Variants in ZNF404 observed in about 807,000 individuals in gnomAD.
The protein encoded by ZNF404 is zinc finger protein 404.
In ZNF404, 7 loss-of-function variants were observed where a neutral mutation model predicts 7.3. The ratio of observed to expected loss-of-function variants is 0.95; its 90% CI spans 0.54 to 1.79. The LOEUF (loss-of-function observed/expected upper bound fraction) is 1.79, where lower values mean the gene tolerates loss of function less well. ZNF404 is among the 40% of genes most tolerant of loss of function. The pLI is 0.00. For synonymous variants in ZNF404, 191 were observed against 209.9 expected (o/e 0.91, Z 0.78); for missense variants, 560 against 661.5 (o/e 0.85, Z 1.68).
intron 1 of ZNF404, 52 bp downstream of exon 1, chr19:43,883,904 A>C (rs187318237): frequency 1.3e-6 from 2 of 1,588,414 alleles, no homozygotes; most frequent in East Asian, 4.5e-5. Flanking sequence ...AAAATATTAC[A>C]TGAATTAAAA....
chr19:43,873,099 T>C lies in ZNF404; in HGVS notation c.1115A>G (p.Gln372Arg), dbSNP rs529188622. The change falls in exon 3 of 3, where the codon CAG (glutamine) becomes CGG (arginine). Residue 372 changes from glutamine (Q) to arginine (R), a missense_variant. By Grantham distance (43) the Gln-to-Arg change is conservative (BLOSUM62 1). Transcript: ENST00000587539. ...CTCACCAGTATGAATTCTCTGATGC[T>C]GTGTAAGTTGAGAGCCTCTACAAAA... ...KAFCRGSQLTQHQRIHTGEKP... is the reference protein window; with the variant it reads ...KAFCRGSQLTRHQRIHTGEKP... 8 of 1,613,094 alleles carry C rather than the reference T, an allele frequency of 5.0e-6. No individual in the cohort carries two copies. In the Admixed American group the frequency reaches 1.0e-4, roughly 20 times the overall value.
At position 43,880,136 on chromosome 19, in the gene ZNF404, C is replaced by T. The variant is rs1483660588; in HGVS notation, c.10G>A (p.Val4Met). 1.9e-6 allele frequency: 3 copies of T among 1,606,760 alleles called. No homozygotes were observed. Among genetic ancestry groups the T allele is most frequent in the Admixed American group, 1.7e-5 (1 of 58,798 alleles). Reference protein sequence around the residue: MARVPLTFSDVAID... With the variant: MARMPLTFSDVAID... ...GCAACATCGCTGAATGTCAATGGCA[C>T]CTGAAATGACAAACCTGTGTATTAT... Residue 4 changes from valine to methionine, a missense_variant and splice_region_variant, in exon 2 of 3, where the codon GTG becomes ATG. Physicochemically the swap from Val to Met is conservative, Grantham distance 21 (BLOSUM62 1). Transcript: ENST00000587539.
intron 1 of ZNF404, among the ~76,000 whole-genome samples, chr19:43,881,274 T>C (rs1971893087): frequency 6.6e-6 from 1 of 152,154 alleles, no homozygotes; most frequent in Admixed American, 6.5e-5. Flanking sequence ...AGCATCTAGA[T>C]TGAAAAAGAA....
rs1971835297 is a variant in ZNF404 at position 43,874,084 on chromosome 19, GA to G, written c.137-8del. 1.3e-6 allele frequency: 2 copies of G among 1,526,384 alleles called. No individual in the cohort carries two copies. The highest frequency in any genetic ancestry group is 1.7e-6 in the Non-Finnish European group (2 of 1,144,428). The allele number at this position is 1,526,384 out of a possible 1,614,324, so 94.6% of individuals were successfully genotyped here. On this transcript the variant is annotated splice_region_variant and splice_polypyrimidine_tract_variant and intron_variant, in intron 2 of 2. Transcript: ENST00000587539. ...TCAGTTGTGAAATTAAAGTCTGGAA[GA>G]AAATGAAAAAACAAACAAATGCTAT...
chr19:43,883,827 G>A (rs1156938487), intron 1 of ZNF404, 129 bp downstream of exon 1: 6 of 912,282 alleles, frequency 6.6e-6, no homozygotes, highest in Non-Finnish European at 1.0e-5. Flanking sequence ...CACTGGAATG[G>A]GAGGAATGTG....
chr19:43,873,504 T>C lies in ZNF404; in HGVS notation c.710A>G (p.His237Arg). 6.2e-7 allele frequency: 1 copy of C among 1,613,492 alleles called. No individual in the cohort carries two copies. Among genetic ancestry groups the C allele is most frequent in the Non-Finnish European group, 8.5e-7 (1 of 1,179,546 alleles). The change falls in exon 3 of 3, where the codon CAT (histidine) becomes CGT (arginine). Residue 237 changes from histidine to arginine, a missense_variant. Transcript: ENST00000587539. ...HSHLTEHQKI[H>R]VGLKPFECKE... ...ACATTCAAAGGGTTTCAAGCCAACA[T>C]GAATTTTCTGATGTTCTGTAAGGTG...
chr19:43,883,263 A>G (rs544604106), intron 1 of ZNF404, among the ~76,000 whole-genome samples: 1 of 152,272 alleles, frequency 6.6e-6, no homozygotes, highest in South Asian at 2.1e-4. Context: ...ATAGTTCAAT[A>G]TCATCTACCA....
chr19:43,876,951 C>T (rs981085599), intron 2 of ZNF404, among the ~76,000 whole-genome samples: 1 of 152,090 alleles, frequency 6.6e-6, no homozygotes, highest in Non-Finnish European at 1.5e-5. Context: ...GAAACTGTCA[C>T]AGGTAGGAGG....
At chr19:43,880,445 C>A (rs972566701) in intron 1 of ZNF404, among the ~76,000 whole-genome samples, 1 of 152,186 alleles carries the variant, frequency 6.6e-6, no homozygotes, top group South Asian at 2.1e-4. Flanking sequence ...CTTCTACGTA[C>A]CTAAGCCATA....
chr19:43,874,215 G>T, intron 2 of ZNF404, 138 bp from the exon 3 acceptor site: 1 of 649,552 alleles, frequency 1.5e-6, no homozygotes, highest in Non-Finnish European at 2.4e-6. Flanking sequence ...CTAAAGTACT[G>T]CCATGCAATT....
At chr19:43,881,944 T>G in intron 1 of ZNF404, among the ~76,000 whole-genome samples, 4 of 104,150 alleles carry the variant, frequency 3.8e-5, no homozygotes, top group Admixed American at 2.4e-4. Context: ...GCAACAAGAG[T>G]GAAACTCTGT....
chr19:43,882,011 G>T (rs898355590), intron 1 of ZNF404, among the ~76,000 whole-genome samples: 1 of 150,488 alleles, frequency 6.6e-6, no homozygotes, highest in Non-Finnish European at 1.5e-5. Context: ...AATAGACAAG[G>T]TGATTCTAAA....
rs762057420 is a variant in ZNF404, at chr19:43,872,932, T to A, written c.1282A>T (p.Thr428Ser). 12 of 1,607,654 alleles carry A rather than the reference T, an allele frequency of 7.5e-6. No individual in the cohort carries two copies. In the Admixed American group the frequency reaches 1.9e-4, roughly 25 times the overall value. The change falls in exon 3 of 3, where the codon ACA (threonine) becomes TCA (serine). Residue 428 changes from threonine to serine, a missense_variant. Transcript: ENST00000587539. This position sits in a 1 kb window ranked among gnomAD's most constrained non-coding sequence, Gnocchi z 4.4. ...TCCCCAGCATGAATTGATTGATGTG[T>A]CTTAAGGTCTCCAACACGACTGAAG... The part of the protein sequence containing the change: ...KAFSRVGDLK[T>S]HQSIHAGEKP...
At chr19:43,874,775 A>T (rs1291737337) in intron 2 of ZNF404, among the ~76,000 whole-genome samples, 3 of 152,098 alleles carry the variant, frequency 2.0e-5, no homozygotes, top group Admixed American at 2.0e-4. Flanking sequence ...TCTCTCAATT[A>T]CATATTTACT....
At chr19:43,880,567 C>G (rs1242775919) in intron 1 of ZNF404, among the ~76,000 whole-genome samples, 3 of 152,142 alleles carry the variant, frequency 2.0e-5, no homozygotes, top group Non-Finnish European at 4.4e-5. Flanking sequence ...TTCCAGCCAA[C>G]ACGGAATAAC....
intron 2 of ZNF404, 22 bp downstream of exon 2, chr19:43,879,988 C>A: frequency 6.2e-7 from 1 of 1,612,692 alleles, no homozygotes; most frequent in African/African-American, 1.3e-5. Flanking sequence ...TATTGTACAT[C>A]ATTTTGTGCA....
At chr19:43,874,117 A>G in intron 2 of ZNF404, 40 bp from the exon 3 acceptor site, 1 of 1,347,292 alleles carries the variant, frequency 7.4e-7, no homozygotes, top group African/African-American at 1.5e-5. Flanking sequence ...CTATTTTCCA[A>G]TAATAGGGGT....
chr19:43,872,409 A>G lies in ZNF404; in HGVS notation c.*146T>C. 2 of 555,054 alleles carry G rather than the reference A, an allele frequency of 3.6e-6. No individual in the cohort carries two copies. The highest frequency in any genetic ancestry group is 5.9e-6 in the Non-Finnish European group (2 of 340,396). The allele number at this position is 555,054 out of a possible 1,614,324, so 34.4% of individuals were successfully genotyped here. A position where few individuals can be genotyped will look rare whatever the true frequency, so the allele number is the denominator to read the frequency against. Reference sequence around the variant, plus strand: ...TTTTAGTAATTCTAACAATTATCATAAAAATAATGTATTTAGTAAGCAAAT... The same window carrying G: ...TTTTAGTAATTCTAACAATTATCATGAAAATAATGTATTTAGTAAGCAAAT... On this transcript the variant is annotated 3_prime_UTR_variant, in exon 3 of 3. Coordinates refer to ENST00000587539, the MANE Select transcript of ZNF404 (RefSeq NM_001033719.3). This position sits in a 1 kb window ranked among gnomAD's most constrained non-coding sequence, Gnocchi z 4.4.
Position 43,873,450 on chromosome 19 carries a change from T to C in ZNF404, c.764A>G (p.Tyr255Cys), listed in dbSNP as rs1250639712. ...TTTCTGATGCAGACACATATGTCGA[T>C]ATAATCTAAACGTTTCCCCACATTC... ...CKECGETFRL[Y>C]RHMCLHQKIH... is the part of the protein sequence containing the mutation. Residue 255 changes from tyrosine to cysteine, a missense_variant, in exon 3 of 3, where the codon TAT becomes TGT. Physicochemically the swap from Tyr to Cys is radical, Grantham distance 194. Transcript: ENST00000587539. 6.2e-7 allele frequency: 1 copy of C among 1,613,520 alleles called. No individual in the cohort carries two copies. Among genetic ancestry groups the C allele is most frequent in the Non-Finnish European group, 8.5e-7 (1 of 1,179,694 alleles).
Sources: allele counts gnomAD v4.1 joint callset (sites outside exome capture counted in the v4.1 genomes callset), GRCh38; gene constraint gnomAD v4.1.1; non-coding constraint Gnocchi (gnomAD v3.1); transcripts MANE v1.5; gene names NCBI Gene and HGNC (gene_info 2026-07-23, HGNC 2026-07-21).